The following SDK1 variants were observed in gnomAD, a reference collection of about 807,000 sequenced individuals.
The protein encoded by SDK1 is sidekick cell adhesion molecule 1.
A neutral mutation model predicts 245.5 loss-of-function variants in SDK1; 157 were observed. That is an observed-to-expected ratio of 0.64 (90% CI 0.56 to 0.73). The LOEUF (loss-of-function observed/expected upper bound fraction) is 0.73, where lower values mean the gene tolerates loss of function less well. Ranked by LOEUF, SDK1 falls within the 30% of genes least tolerant of loss-of-function variation. The probability of loss-of-function intolerance (pLI) is 0.00; values close to 1 mark genes in which losing one functional copy is unlikely to be tolerated. For synonymous variants in SDK1, 1,647 were observed against 1,278.5 expected, an observed-to-expected ratio of 1.29 and a Z score of -6.15; for missense variants, 3,583 against 3,002.3, an observed-to-expected ratio of 1.19 and a Z score of -4.52.
intron 5 of SDK1, among the ~76,000 whole-genome samples, chr7:3,823,704 C>G (rs112220395): frequency 2.6e-5 from 4 of 152,106 alleles, no homozygotes; most frequent in African/African-American, 7.2e-5. Context: ...TCATTGGCAC[C>G]AGGTAAAAAT....
intron 4 of SDK1, among the ~76,000 whole-genome samples, chr7:3,717,466 A>T (rs950015886): frequency 5.6e-4 from 86 of 152,342 alleles, no homozygotes; most frequent in African/African-American, 2.0e-3. Context: ...TTATAGCATT[A>T]AATGTGTATA....
intron 8 of SDK1, among the ~76,000 whole-genome samples, chr7:3,961,822 T>A (rs887206842): frequency 6.6e-6 from 1 of 152,170 alleles, no homozygotes; most frequent in Non-Finnish European, 1.5e-5. Context: ...TAAATACATA[T>A]GTAAATGTAC....
At chr7:3,572,268 G>C (rs748533550) in intron 1 of SDK1, among the ~76,000 whole-genome samples, 1 of 151,942 alleles carries the variant, frequency 6.6e-6, no homozygotes, top group African/African-American at 2.4e-5. Context: ...TTTGTTTAAT[G>C]GAATGTCACA....
intron 4 of SDK1, among the ~76,000 whole-genome samples, chr7:3,750,514 G>A (rs1040831965): frequency 6.6e-6 from 1 of 152,182 alleles, no homozygotes; most frequent in Non-Finnish European, 1.5e-5. Flanking sequence ...TGCAGTGGGC[G>A]AGAGAGATTG....
chr7:3,944,235 A>G (rs994044530), intron 5 of SDK1, among the ~76,000 whole-genome samples: 3 of 152,336 alleles, frequency 2.0e-5, no homozygotes, highest in African/African-American at 4.8e-5. Context: ...TAGGGCCTCA[A>G]TTTTCTCATC....
chr7:3,547,379 T>G (rs13239833), intron 1 of SDK1, among the ~76,000 whole-genome samples: 33,525 of 152,172 alleles, frequency 0.22, 4,043 homozygotes, highest in South Asian at 0.38. Context: ...AAAACTTACC[T>G]TGGGCAAAGA....
At chr7:3,480,280 A>C (rs533448734) in intron 1 of SDK1, among the ~76,000 whole-genome samples, 3 of 152,326 alleles carry the variant, frequency 2.0e-5, no homozygotes, top group African/African-American at 7.2e-5. Flanking sequence ...AGCGGTATCA[A>C]CACAGAGTGG....
chr7:3,950,829 T>TC (rs1780779215), intron 5 of SDK1, 94 bp from the exon 6 acceptor site: 2 of 860,194 alleles, frequency 2.3e-6, no homozygotes, highest in East Asian at 5.2e-5. Flanking sequence ...GTTTTAGGTA[T>TC]CCCCGGGGGT....
chr7:3,939,168 G>A (rs1583592232), intron 5 of SDK1, among the ~76,000 whole-genome samples: 1 of 152,234 alleles, frequency 6.6e-6, no homozygotes, highest in South Asian at 2.1e-4. Context: ...TGTCTCCAGG[G>A]AATTTTTTGG....
intron 4 of SDK1, among the ~76,000 whole-genome samples, chr7:3,792,368 C>T (rs925401333): frequency 1.3e-5 from 2 of 152,132 alleles, no homozygotes; most frequent in Non-Finnish European, 2.9e-5. Context: ...TCCATCATTT[C>T]TAGTGAACAT....
intron 5 of SDK1, among the ~76,000 whole-genome samples, chr7:3,933,123 CTTTTTTTTT>C (rs11364780): frequency 4.8e-5 from 4 of 83,260 alleles, no homozygotes; most frequent in African/African-American, 2.2e-4. Flanking sequence ...GCTCCTGGAT[CTTTTTTTTT>C]TTTTTTTTTT....
At chr7:3,343,050 T>G (rs73048621) in intron 1 of SDK1, among the ~76,000 whole-genome samples, 15,641 of 148,312 alleles carry the variant, frequency 0.11, 1,016 homozygotes, top group African/African-American at 0.18. Flanking sequence ...AGAGAAACAT[T>G]GCTCATACAT....
At chr7:3,417,921 A>G (rs911900701) in intron 1 of SDK1, among the ~76,000 whole-genome samples, 1 of 152,246 alleles carries the variant, frequency 6.6e-6, no homozygotes, top group Admixed American at 6.5e-5. Context: ...TGAGTTTGCA[A>G]AGTATCTTAT....
rs371483289 is a variant in SDK1, at chr7:4,188,659, T to C, written c.5098+10073T>C. 3.9e-5 allele frequency among the ~76,000 whole-genome samples: 6 copies of C among 151,918 alleles called. No individual in the cohort carries two copies. In the East Asian group the frequency reaches 1.2e-3, roughly 29 times the overall value. On this transcript the variant is annotated intron_variant, in intron 35 of 44. Coordinates refer to ENST00000404826, the MANE Select transcript of SDK1 (RefSeq NM_152744.4). ...TTTCATAATTTTCATGGTTTTATGT[T>C]TTCCATTAAACTCTTTCATCAAAAA...
Position 4,110,767 on chromosome 7 carries a change from C to A in SDK1, c.3429C>A (p.His1143Gln). 6.2e-7 allele frequency: 1 copy of A among 1,607,572 alleles called. No homozygotes were observed. The highest frequency in any genetic ancestry group is 1.7e-5 in the Admixed American group (1 of 60,002). Residue 1143 changes from histidine to glutamine, a missense_variant, in exon 23 of 45, where the codon CAC becomes CAA. Transcript: ENST00000404826. ...TCCCAAACCTCACACCCTACACTCA[C>A]TACAGGTGAGAACAGCAGTGATAAG... Reference protein sequence around the residue: ...LEIPNLTPYTHYRFRMKQVNI... With the variant: ...LEIPNLTPYTQYRFRMKQVNI...
At chr7:3,442,461 C>A (rs1780222445) in intron 1 of SDK1, among the ~76,000 whole-genome samples, 1 of 152,076 alleles carries the variant, frequency 6.6e-6, no homozygotes, top group Non-Finnish European at 1.5e-5. Flanking sequence ...ACATATTTAT[C>A]CTTGAGAGTG....
rs28491068 is a variant in SDK1, at chr7:3,786,829, G to C, written c.714-34621G>C. Among the ~76,000 whole-genome samples the C allele has an allele frequency of 5.6e-3, 850 of 152,058 alleles. 9 individuals are homozygous for C. The highest frequency in any genetic ancestry group is 0.02 in the African/African-American group (817 of 41,464). Reference sequence around the variant, plus strand: ...AGGAATACACCTCGGTAGTACTACTGTACAGCTGGCACCCTACAACTCCCT... The same window carrying C: ...AGGAATACACCTCGGTAGTACTACTCTACAGCTGGCACCCTACAACTCCCT... On this transcript the variant is annotated intron_variant, in intron 4 of 44. Transcript: ENST00000404826.
At chr7:3,892,364 C>A (rs1207132193) in intron 5 of SDK1, among the ~76,000 whole-genome samples, 3 of 152,214 alleles carry the variant, frequency 2.0e-5, no homozygotes, top group African/African-American at 7.2e-5. Context: ...GCTGAATGAG[C>A]AGCTGCCATC....
rs35382954 is a variant in SDK1 at position 3,331,550 on chromosome 7, A to AT, written c.298+29670dup. ...AGATATAAGTGCTTTATCAGGTATGATTTTCAATCTGTGGGTCCTCTTTTC... is the reference window on the plus strand; with the variant it reads ...AGATATAAGTGCTTTATCAGGTATGATTTTTCAATCTGTGGGTCCTCTTTTC... On this transcript the variant is annotated intron_variant, in intron 1 of 44. Coordinates refer to ENST00000404826, the MANE Select transcript of SDK1 (RefSeq NM_152744.4). Among the ~76,000 whole-genome samples the AT allele has an allele frequency of 8.5e-3, 1,292 of 152,164 alleles. 19 individuals are homozygous for AT. The highest frequency in any genetic ancestry group is 0.03 in the African/African-American group (1,254 of 41,484).
Sources: gnomAD v4.1 joint callset for allele counts (sites outside exome capture counted in the v4.1 genomes callset) on GRCh38, gnomAD v4.1.1 for gene constraint, MANE v1.5 for transcripts, NCBI Gene and HGNC (gene_info 2026-07-23, HGNC 2026-07-21) for gene names.